Variants in AFG2A observed in about 807,000 individuals in gnomAD.
AFG2A encodes the protein ATPase family gene 2 protein homolog A.
At chr4:122,945,240 G>T in the AFG2A span, among the ~76,000 whole-genome samples, 1 of 152,254 alleles carries the variant, frequency 6.6e-6, no homozygotes, top group Admixed American at 6.5e-5. Context: ...TGCCCCCAGA[G>T]GTGGAGCCTA....
chr4:122,958,835 A>C, the AFG2A span, among the ~76,000 whole-genome samples: 724 of 152,182 alleles, frequency 4.8e-3, 5 homozygotes, highest in African/African-American at 0.016. Context: ...TCACATTCCC[A>C]CTCATAATTA....
chr4:122,979,461 T>G, the AFG2A span: 2 of 1,484,720 alleles, frequency 1.3e-6, no homozygotes, highest in African/African-American at 2.8e-5. Flanking sequence ...TCAGGGAGAC[T>G]GACTTCCTAG....
At chr4:123,156,429 A>G in the AFG2A span, among the ~76,000 whole-genome samples, 1 of 152,284 alleles carries the variant, frequency 6.6e-6, no homozygotes, top group South Asian at 2.1e-4. Flanking sequence ...TTAGTACAAA[A>G]TTCCTAGATA....
the AFG2A span, among the ~76,000 whole-genome samples, chr4:123,269,586 G>A: frequency 6.6e-6 from 1 of 152,088 alleles, no homozygotes; most frequent in African/African-American, 2.4e-5. Context: ...AATAAAAATT[G>A]GAACCTCTAG....
the AFG2A span, among the ~76,000 whole-genome samples, chr4:123,015,411 A>G: frequency 6.6e-6 from 1 of 152,002 alleles, no homozygotes; most frequent in Non-Finnish European, 1.5e-5. Context: ...GCCTTCAAGC[A>G]TCTGTTTAAC....
At chr4:123,109,220 G>T in the AFG2A span, among the ~76,000 whole-genome samples, 2 of 152,156 alleles carry the variant, frequency 1.3e-5, no homozygotes, top group African/African-American at 4.8e-5. Flanking sequence ...GGAAATAGAT[G>T]ATAAGTTTAT....
chr4:122,945,205 G>T, the AFG2A span, among the ~76,000 whole-genome samples: 1 of 152,200 alleles, frequency 6.6e-6, no homozygotes, highest in East Asian at 1.9e-4. Flanking sequence ...AGAGGTTACT[G>T]CTGTCTTTTT....
At chr4:123,180,331 G>C in the AFG2A span, among the ~76,000 whole-genome samples, 4 of 152,214 alleles carry the variant, frequency 2.6e-5, no homozygotes, top group East Asian at 5.8e-4. Flanking sequence ...ACCCTCTTTG[G>C]TGGTAGGAGA....
chr4:122,978,864 G>C, the AFG2A span, among the ~76,000 whole-genome samples: 1 of 152,240 alleles, frequency 6.6e-6, no homozygotes, highest in African/African-American at 2.4e-5. Flanking sequence ...AATCAGAGCA[G>C]GCAAAAAGTT....
At chr4:122,935,654 G>T in the AFG2A span, 1 of 1,474,128 alleles carries the variant, frequency 6.8e-7, no homozygotes, top group South Asian at 1.6e-5. Flanking sequence ...GAACTTGTAT[G>T]ACAACATTTA....
the AFG2A span, among the ~76,000 whole-genome samples, chr4:123,043,963 C>T: frequency 6.6e-6 from 1 of 152,140 alleles, no homozygotes; most frequent in Non-Finnish European, 1.5e-5. Flanking sequence ...GTTGCCATGA[C>T]CTTTGCTCTT....
At chr4:123,289,465 T>C in the AFG2A span, among the ~76,000 whole-genome samples, 1 of 152,206 alleles carries the variant, frequency 6.6e-6, no homozygotes, top group African/African-American at 2.4e-5. Context: ...AACTGTACTG[T>C]AGTAAACATA....
the AFG2A span, chr4:123,260,254 A>G: frequency 6.6e-6 from 1 of 152,240 alleles, no homozygotes; most frequent in Non-Finnish European, 1.5e-5. Flanking sequence ...ATTAGAGTTA[A>G]ATACATTTCA....
the AFG2A span, among the ~76,000 whole-genome samples, chr4:123,129,317 A>G: frequency 6.6e-6 from 1 of 152,244 alleles, no homozygotes; most frequent in African/African-American, 2.4e-5. Context: ...AACAAGAATT[A>G]GGAGATAAGG....
the AFG2A span, among the ~76,000 whole-genome samples, chr4:123,245,995 G>A: frequency 7.2e-5 from 11 of 152,182 alleles, no homozygotes; most frequent in Non-Finnish European, 1.6e-4. Flanking sequence ...ATGGGGAAGT[G>A]ATTATCTTAA....
the AFG2A span, among the ~76,000 whole-genome samples, chr4:123,081,361 G>C: frequency 2.0e-5 from 3 of 152,184 alleles, no homozygotes; most frequent in Non-Finnish European, 4.4e-5. Flanking sequence ...TTCCTATGCA[G>C]TGTTCCTGTA....
At chr4:123,068,326 G>A in the AFG2A span, among the ~76,000 whole-genome samples, 1 of 152,122 alleles carries the variant, frequency 6.6e-6, no homozygotes. Context: ...TCAATGATCT[G>A]TGGAAATAAA....
chr4:123,253,406 C>T, the AFG2A span, among the ~76,000 whole-genome samples: 2 of 151,674 alleles, frequency 1.3e-5, no homozygotes, highest in African/African-American at 4.8e-5. Context: ...ATTGCTCGAA[C>T]CCAGGAGGCA....
the AFG2A span, chr4:122,934,650 C>T: frequency 3.1e-6 from 5 of 1,613,096 alleles, no homozygotes; most frequent in East Asian, 1.1e-4. Flanking sequence ...TAACTTATGA[C>T]ATGATAGGAG....
Sources: allele counts gnomAD v4.1 joint callset (sites outside exome capture counted in the v4.1 genomes callset), GRCh38; gene constraint gnomAD v4.1.1; transcripts MANE v1.5; gene names NCBI Gene and HGNC (gene_info 2026-07-23, HGNC 2026-07-21).